Variants in ERICH1 observed in about 807,000 individuals in gnomAD.
ERICH1 encodes the protein glutamate-rich protein 1.
Under a neutral mutation model 39.6 loss-of-function variants are expected in ERICH1, and 56 were observed. The ratio of observed to expected loss-of-function variants is 1.41; its 90% CI spans 1.14 to 1.77. The LOEUF is 1.77. Ranked by LOEUF, ERICH1 falls within the 40% of genes most tolerant of loss-of-function variation. ERICH1 has a pLI of 0.00. For synonymous variants in ERICH1, 313 were observed against 223.6 expected, an observed-to-expected ratio of 1.40 and a Z score of -3.57; for missense variants, 826 against 575.4, an observed-to-expected ratio of 1.44 and a Z score of -4.45.
At chr8:697,061 G>C (rs919855546) in intron 2 of ERICH1, among the ~76,000 whole-genome samples, 1 of 152,178 alleles carries the variant, frequency 6.6e-6, no homozygotes, top group East Asian at 1.9e-4. Context: ...TCCCTCCCAG[G>C]AGGCAGCTGG....
chr8:653,168 T>G (rs2117351431), intron 3 of ERICH1, among the ~76,000 whole-genome samples: 1 of 152,340 alleles, frequency 6.6e-6, no homozygotes, highest in East Asian at 1.9e-4. Context: ...AGAGTAACAT[T>G]ATTCTAACAG....
At chr8:685,253 G>A (rs1440058096) in intron 3 of ERICH1, among the ~76,000 whole-genome samples, 1 of 152,130 alleles carries the variant, frequency 6.6e-6, no homozygotes. Flanking sequence ...TCTCTTACCC[G>A]TTTTCGGCAA....
At chr8:658,167 G>C (rs1478137493) in intron 3 of ERICH1, among the ~76,000 whole-genome samples, 2 of 152,194 alleles carry the variant, frequency 1.3e-5, no homozygotes, top group East Asian at 1.9e-4. Context: ...GCTGCAGCTG[G>C]ACTGTGGTTC....
At chr8:708,687 T>TGTTTTTGTTTTG (rs1245939471) in intron 2 of ERICH1, among the ~76,000 whole-genome samples, 1 of 51,086 alleles carries the variant, frequency 2.0e-5, no homozygotes, top group Non-Finnish European at 4.1e-5. Context: ...ATGAGTTTTT[T>TGTTTTTGTTTTG]TTTTTTTTTT....
chr8:655,992 A>C (rs989428221), intron 3 of ERICH1, among the ~76,000 whole-genome samples: 1 of 151,914 alleles, frequency 6.6e-6, no homozygotes, highest in African/African-American at 2.4e-5. Context: ...CTCCCTCTTC[A>C]GCCTCCGCAG....
chr8:727,717 C>A (rs1355772093), intron 1 of ERICH1, among the ~76,000 whole-genome samples: 2 of 152,184 alleles, frequency 1.3e-5, no homozygotes, highest in Non-Finnish European at 2.9e-5. Flanking sequence ...CTGTGGCCTT[C>A]CCTACAGAAG....
intron 3 of ERICH1, among the ~76,000 whole-genome samples, chr8:677,366 G>C (rs946606318): frequency 2.0e-5 from 3 of 152,196 alleles, no homozygotes; most frequent in African/African-American, 7.2e-5. Flanking sequence ...ACCGTGTCTT[G>C]TTGTGATTGG....
At chr8:712,739 G>T (rs1815043975) in intron 2 of ERICH1, among the ~76,000 whole-genome samples, 1 of 152,168 alleles carries the variant, frequency 6.6e-6, no homozygotes, top group Non-Finnish European at 1.5e-5. Flanking sequence ...CTTGTTCTTT[G>T]CTGACATATA....
intron 3 of ERICH1, chr8:627,264 A>C (rs1425614002): frequency 2.2e-6 from 1 of 455,402 alleles, no homozygotes; most frequent in Non-Finnish European, 4.4e-6. Flanking sequence ...AAGAACACTT[A>C]CCTTACAGGA....
intron 3 of ERICH1, among the ~76,000 whole-genome samples, chr8:642,657 G>T (rs1185987613): frequency 6.6e-6 from 1 of 152,022 alleles, no homozygotes; most frequent in East Asian, 1.9e-4. Context: ...GAATTTCACA[G>T]TAATCAACCC....
chr8:706,238 A>G (rs7463586), intron 2 of ERICH1, among the ~76,000 whole-genome samples: 55,015 of 152,192 alleles, frequency 0.36, 10,091 homozygotes, highest in East Asian at 0.49. Context: ...AAAATCTAAG[A>G]AATCCACAAC....
intron 5 of ERICH1, chr8:666,219 A>G (rs1802212118): frequency 6.6e-6 from 1 of 152,224 alleles, no homozygotes; most frequent in Non-Finnish European, 1.5e-5. Context: ...TAAATTCCCC[A>G]CAACTGCCAA....
intron 3 of ERICH1, chr8:626,715 T>A (rs568980340): frequency 5.7e-6 from 1 of 175,336 alleles, no homozygotes; most frequent in Non-Finnish European, 1.3e-5. Context: ...CTGGCGTCTG[T>A]CTCTCATCGC....
At chr8:634,235 C>T (rs1025226908) in intron 3 of ERICH1, among the ~76,000 whole-genome samples, 17 of 148,508 alleles carry the variant, frequency 1.1e-4, no homozygotes, top group African/African-American at 4.2e-4. Flanking sequence ...CTTGAATCAA[C>T]ATTTATCCAA....
rs766208164 is a variant in ERICH1 at position 668,537 on chromosome 8, A to G, written c.1258+61T>C. On this transcript the variant is annotated intron_variant, in intron 5 of 5. Transcript: ENST00000262109. ...TGTTTTGGTGGCGTGTAAGTCTTTCAGAGGCAAACCTCGATGAGAGTATCT... is the reference window on the plus strand; with the variant it reads ...TGTTTTGGTGGCGTGTAAGTCTTTCGGAGGCAAACCTCGATGAGAGTATCT... 4 of 1,594,534 alleles carry G rather than the reference A, an allele frequency of 2.5e-6. No homozygotes were observed. The Admixed American group carries it at 5.0e-5, about 20-fold the overall frequency.
At chr8:710,065 C>T (rs578095424) in intron 2 of ERICH1, among the ~76,000 whole-genome samples, 2 of 152,192 alleles carry the variant, frequency 1.3e-5, no homozygotes, top group African/African-American at 4.8e-5. Flanking sequence ...AGTGCACATG[C>T]TCCCCATTAT....
intron 2 of ERICH1, among the ~76,000 whole-genome samples, chr8:698,375 C>T (rs185383711): frequency 7.2e-5 from 11 of 152,146 alleles, no homozygotes; most frequent in Non-Finnish European, 1.3e-4. Context: ...TGCACCACCA[C>T]GCCCAGATAA....
intron 2 of ERICH1, among the ~76,000 whole-genome samples, chr8:699,495 C>T (rs929609207): frequency 1.3e-5 from 2 of 152,172 alleles, no homozygotes; most frequent in Non-Finnish European, 2.9e-5. Context: ...CTGGTATCTC[C>T]GCTGGGCGCC....
chr8:673,460 C>T lies in ERICH1; in HGVS notation c.892G>A (p.Gly298Ser), dbSNP rs763110826. The change falls in exon 4 of 6, where the codon GGT becomes AGT. Residue 298 changes from glycine to serine, a missense_variant. Physicochemically the swap from Gly to Ser is moderately conservative, Grantham distance 56. Transcript: ENST00000262109. ...EDGKDTREED[G>S]ADASEEDPTW... The stretch of plus-strand genomic sequence containing the variant: ...GGGTCTTCCTCGCTGGCGTCCGCAC[C>T]GTCCTCCTCCCTGGTGTCTTTACCG... 4.1e-5 allele frequency: 66 copies of T among 1,611,718 alleles called. No homozygotes were observed. The highest frequency in any genetic ancestry group is 1.6e-4 in the Middle Eastern group (1 of 6,066).
Sources: allele counts gnomAD v4.1 joint callset (sites outside exome capture counted in the v4.1 genomes callset), GRCh38; gene constraint gnomAD v4.1.1; transcripts MANE v1.5; gene names NCBI Gene and HGNC (gene_info 2026-07-23, HGNC 2026-07-21).